The following KAZN variants were observed in gnomAD, a reference collection of about 807,000 sequenced individuals.
KAZN encodes the protein kazrin.
A neutral mutation model predicts 87.4 loss-of-function variants in KAZN; 40 were observed. That is an observed-to-expected ratio of 0.46 (90% CI 0.36 to 0.60). The LOEUF is 0.60. KAZN is among the 20% of genes least tolerant of loss of function. KAZN has a pLI of 0.00. For missense variants in KAZN, 898 were observed against 1,073.9 expected (o/e 0.84, Z 2.29); for synonymous variants, 466 against 458.3 (o/e 1.02, Z -0.22).
At chr1:14,049,731 G>A (rs903888901) in intron 1 of KAZN, among the ~76,000 whole-genome samples, 8 of 152,064 alleles carry the variant, frequency 5.3e-5, no homozygotes, top group Admixed American at 1.3e-4. Context: ...TGATGTTGAC[G>A]GAGATTTTTG....
chr1:14,111,824 C>T (rs144214325), intron 1 of KAZN, among the ~76,000 whole-genome samples: 5,058 of 150,472 alleles, frequency 0.034, 274 homozygotes, highest in African/African-American at 0.12. Context: ...ACTGCAACCT[C>T]GGCTTCCTGG....
chr1:14,453,351 A>G (rs557883040), intron 2 of KAZN, among the ~76,000 whole-genome samples: 1 of 152,320 alleles, frequency 6.6e-6, no homozygotes, highest in East Asian at 1.9e-4. Flanking sequence ...GATTTTTTTA[A>G]AAGTGTTCCT....
intron 1 of KAZN, among the ~76,000 whole-genome samples, chr1:13,910,165 T>C (rs1201175168): frequency 1.3e-5 from 2 of 152,118 alleles, no homozygotes; most frequent in Non-Finnish European, 1.5e-5. Context: ...CTATCCTCCT[T>C]GATGCTGCTG....
At chr1:14,353,165 T>C (rs1462656838) in intron 2 of KAZN, among the ~76,000 whole-genome samples, 1 of 149,310 alleles carries the variant, frequency 6.7e-6, no homozygotes. Context: ...GGCAGGAAAA[T>C]AAAACAAAAT....
At chr1:14,501,633 G>A (rs528052141) in intron 2 of KAZN, among the ~76,000 whole-genome samples, 2 of 152,266 alleles carry the variant, frequency 1.3e-5, no homozygotes, top group Non-Finnish European at 2.9e-5. Context: ...CATGTTGATG[G>A]AAATTAAGGA....
chr1:14,572,075 C>G (rs1013083263), intron 2 of KAZN, among the ~76,000 whole-genome samples: 17 of 152,166 alleles, frequency 1.1e-4, no homozygotes, highest in Non-Finnish European at 2.2e-4. Flanking sequence ...CTTCTTGCAT[C>G]GTTCCCACCG....
chr1:14,721,035 G>T (rs951247002), intron 1 of KAZN, among the ~76,000 whole-genome samples: 2 of 152,198 alleles, frequency 1.3e-5, no homozygotes, highest in African/African-American at 4.8e-5. Context: ...TTCTTGCAAA[G>T]AGCACTATCT....
chr1:15,015,626 C>A (rs1433510295), intron 2 of KAZN, among the ~76,000 whole-genome samples: 1 of 152,098 alleles, frequency 6.6e-6, no homozygotes, highest in Non-Finnish European at 1.5e-5. Flanking sequence ...TCCAGTGGGA[C>A]CTTCTAAGGA....
intron 1 of KAZN, among the ~76,000 whole-genome samples, chr1:14,638,276 A>G (rs1475462699): frequency 6.6e-6 from 1 of 152,172 alleles, no homozygotes. Flanking sequence ...TGCGCAAAAA[A>G]TAACTGGGGT....
chr1:13,901,867 A>G (rs1639263503), intron 1 of KAZN, among the ~76,000 whole-genome samples: 1 of 152,232 alleles, frequency 6.6e-6, no homozygotes, highest in African/African-American at 2.4e-5. Context: ...AGTATGCACT[A>G]GGATTGTGAT....
chr1:13,996,981 C>G (rs188740679), intron 1 of KAZN, among the ~76,000 whole-genome samples: 172 of 152,292 alleles, frequency 1.1e-3, no homozygotes, highest in African/African-American at 3.9e-3. Flanking sequence ...CCCTCGAGGT[C>G]AGAGATCCCA....
chr1:14,127,383 A>C lies in KAZN; in HGVS notation c.92-53052A>C, dbSNP rs533241066. Among the ~76,000 whole-genome samples, 7 of 144,746 alleles carry C rather than the reference A, an allele frequency of 4.8e-5. No individual in the cohort carries two copies. In the South Asian group the frequency reaches 1.6e-3, roughly 32 times the overall value. The allele number at this position is 144,746 out of a possible 152,430, so 95.0% of individuals were successfully genotyped here. A position where few individuals can be genotyped will look rare whatever the true frequency, so the allele number is the denominator to read the frequency against. ...TGTTTTCCAATAGCTGAGAAAAAGC[A>C]TACCCCTTTACTGTTGTTTTTTTTT... On this transcript the variant is annotated intron_variant, in intron 1 of 16. Coordinates refer to the KAZN transcript ENST00000636203.
chr1:14,507,978 TAA>T (rs567197866), intron 2 of KAZN, among the ~76,000 whole-genome samples: 1 of 91,362 alleles, frequency 1.1e-5, no homozygotes, highest in Admixed American at 1.0e-4. Flanking sequence ...AAAAAATAAA[TAA>T]AAAAAAAAAA....
At chr1:14,044,199 T>C (rs1224295460) in intron 1 of KAZN, among the ~76,000 whole-genome samples, 1 of 152,192 alleles carries the variant, frequency 6.6e-6, no homozygotes, top group Non-Finnish European at 1.5e-5. Context: ...TGTGTTTCTG[T>C]TGGTTTATCT....
intron 2 of KAZN, among the ~76,000 whole-genome samples, chr1:14,463,883 T>C (rs1339719420): frequency 6.6e-6 from 1 of 152,198 alleles, no homozygotes; most frequent in African/African-American, 2.4e-5. Context: ...TGCCCCATCC[T>C]ATGGTGACCC....
At position 14,825,041 on chromosome 1, in the gene KAZN, C is replaced by A. The variant is rs529363609; in HGVS notation, c.227-135643C>A. 9.8e-5 allele frequency among the ~76,000 whole-genome samples: 15 copies of A among 152,380 alleles called. 1 individual carries two copies. The highest frequency in any genetic ancestry group is 3.6e-4 in the African/African-American group (15 of 41,594). ...CAGCGAGGTGTGCTCACAGCGCATC[C>A]CCCTTGCTGAAGCCGGGGGTTCACC... On this transcript the variant is annotated intron_variant, in intron 1 of 14. Transcript: ENST00000376030.
At chr1:14,958,288 C>G (rs1193400759) in intron 1 of KAZN, among the ~76,000 whole-genome samples, 1 of 152,194 alleles carries the variant, frequency 6.6e-6, no homozygotes, top group Non-Finnish European at 1.5e-5. Context: ...ATTCACGGAG[C>G]ACATCTTGCA....
intron 2 of KAZN, among the ~76,000 whole-genome samples, chr1:14,566,885 T>C (rs1470728087): frequency 1.3e-5 from 2 of 152,266 alleles, no homozygotes; most frequent in Non-Finnish European, 2.9e-5. Flanking sequence ...AAAGGAATGC[T>C]ATGGCTAGTT....
chr1:14,301,530 G>A (rs1373161943), intron 2 of KAZN, among the ~76,000 whole-genome samples: 1 of 152,226 alleles, frequency 6.6e-6, no homozygotes, highest in Non-Finnish European at 1.5e-5. Context: ...GTCTGATCTT[G>A]TGATTCATGT....
Sources: allele counts gnomAD v4.1 joint callset (sites outside exome capture counted in the v4.1 genomes callset), GRCh38; gene constraint gnomAD v4.1.1; transcripts MANE v1.5; gene names NCBI Gene and HGNC (gene_info 2026-07-23, HGNC 2026-07-21).